MED26: variants seen among roughly 807,000 people sequenced by gnomAD.
MED26 encodes mediator of RNA polymerase II transcription subunit 26.
A neutral mutation model predicts 43.7 loss-of-function variants in MED26; 7 were observed. That is an observed-to-expected ratio of 0.16 (90% CI 0.09 to 0.30). The LOEUF is 0.30. Among genes scored for constraint, MED26 ranks in the 10% least tolerant of loss-of-function variants. The pLI is 1.00. For synonymous variants in MED26, 375 were observed against 371.1 expected, an observed-to-expected ratio of 1.01 and a Z score of -0.12; for missense variants, 784 against 840.6, an observed-to-expected ratio of 0.93 and a Z score of 0.83.
At chr19:16,578,490 G>C (rs990056183) in intron 1 of MED26, 81 bp from the exon 2 acceptor site, 1 of 1,328,706 alleles carries the variant, frequency 7.5e-7, no homozygotes, top group African/African-American at 1.5e-5. Flanking sequence ...GCCTGCTCCA[G>C]TCTCTCCCCA....
chr19:16,599,982 C>T (rs1487186492), intron 1 of MED26, among the ~76,000 whole-genome samples: 1 of 152,174 alleles, frequency 6.6e-6, no homozygotes, highest in African/African-American at 2.4e-5. Context: ...TAGATGGATG[C>T]AAATTCTACC....
intron 1 of MED26, among the ~76,000 whole-genome samples, chr19:16,584,495 C>T (rs992642322): frequency 6.6e-6 from 1 of 152,158 alleles, no homozygotes; most frequent in Non-Finnish European, 1.5e-5. Context: ...CAGAGACAGC[C>T]TGAGGGAGGG....
Position 16,614,085 on chromosome 19 carries a change from G to T in MED26, c.72+13787C>A, listed in dbSNP as rs1006440536. 2.6e-5 allele frequency among the ~76,000 whole-genome samples: 4 copies of T among 152,100 alleles called. No individual in the cohort carries two copies. The South Asian group carries it at 8.3e-4, about 31-fold the overall frequency. On this transcript the variant is annotated intron_variant, in intron 1 of 2. Coordinates refer to ENST00000263390, the MANE Select transcript of MED26 (RefSeq NM_004831.5). ...AACATACCTCAAGCCCCACAGGATG[G>T]TATCACCAGGTGATGGCAACACCAG...
chr19:16,575,863 G>C lies in MED26; in HGVS notation c.*164C>G. The stretch of plus-strand genomic sequence containing the variant: ...TTTCACAAAAAGAGTTTTGAGGGAA[G>C]AGCGCAGAGAGACCGCGTGACTCCC... On this transcript the variant is annotated 3_prime_UTR_variant, in exon 3 of 3. Transcript: ENST00000263390. 1 of 621,414 alleles carries C rather than the reference G, an allele frequency of 1.6e-6. No individual in the cohort carries two copies. Among genetic ancestry groups the C allele is most frequent in the Non-Finnish European group, 2.8e-6 (1 of 355,950 alleles). The allele number at this position is 621,414 out of a possible 1,614,324, so 38.5% of individuals were successfully genotyped here.
chr19:16,601,940 G>A (rs960537905), intron 1 of MED26, among the ~76,000 whole-genome samples: 7 of 152,240 alleles, frequency 4.6e-5, no homozygotes, highest in Non-Finnish European at 1.0e-4. Context: ...GACATGGTGA[G>A]GGGCAGGAAG....
chr19:16,593,675 G>A (rs1352441001), intron 1 of MED26, among the ~76,000 whole-genome samples: 3 of 152,028 alleles, frequency 2.0e-5, no homozygotes, highest in African/African-American at 4.8e-5. Context: ...GCTTTGTCCC[G>A]TTGTCAGCTG....
intron 1 of MED26, among the ~76,000 whole-genome samples, chr19:16,599,642 C>T (rs2086139174): frequency 6.6e-6 from 1 of 152,192 alleles, no homozygotes; most frequent in African/African-American, 2.4e-5. Flanking sequence ...TGATCACCCT[C>T]ACTGTTGCGC....
chr19:16,616,217 A>G (rs2086225634), intron 1 of MED26, among the ~76,000 whole-genome samples: 1 of 152,146 alleles, frequency 6.6e-6, no homozygotes, highest in South Asian at 2.1e-4. Context: ...GCCATGTTCC[A>G]TTCTTAAAAG....
chr19:16,626,363 T>C (rs910904470), intron 1 of MED26, among the ~76,000 whole-genome samples: 1 of 152,192 alleles, frequency 6.6e-6, no homozygotes, highest in African/African-American at 2.4e-5. Flanking sequence ...GTCTTAAAAT[T>C]GCAGTGACAC....
At chr19:16,594,690 C>T (rs1403637417) in intron 1 of MED26, among the ~76,000 whole-genome samples, 1 of 152,058 alleles carries the variant, frequency 6.6e-6, no homozygotes, top group Non-Finnish European at 1.5e-5. Context: ...GCTAACAGCA[C>T]CTCTTCAATA....
intron 1 of MED26, among the ~76,000 whole-genome samples, chr19:16,602,058 G>T (rs757464173): frequency 6.6e-6 from 1 of 152,182 alleles, no homozygotes; most frequent in African/African-American, 2.4e-5. Context: ...GATGGATGGC[G>T]GGATACCTGT....
chr19:16,618,260 G>A (rs1487880289), intron 1 of MED26, among the ~76,000 whole-genome samples: 1 of 152,144 alleles, frequency 6.6e-6, no homozygotes, highest in Non-Finnish European at 1.5e-5. Context: ...CAGGAGGCCT[G>A]GTGGGGTTCA....
At chr19:16,621,537 G>GCC (rs765208143) in intron 1 of MED26, among the ~76,000 whole-genome samples, 4 of 152,220 alleles carry the variant, frequency 2.6e-5, no homozygotes, top group Admixed American at 6.5e-5. Flanking sequence ...ACATCCAAAG[G>GCC]CCTTTAACCC....
chr19:16,606,486 T>A (rs1326096777), intron 1 of MED26, among the ~76,000 whole-genome samples: 1 of 151,996 alleles, frequency 6.6e-6, no homozygotes, highest in East Asian at 1.9e-4. Context: ...GAGGCAGAGG[T>A]TGCAGTGAGC....
rs757185342 is a variant in MED26, at chr19:16,576,777, C to T, written c.1053G>A (p.Leu351=). ...GCCCTGCCTTGCAGCCCGGCCCCGC[C>T]AGCCGCTGGTGGCTCTCAGGCTGCT... ...WLEQPESHQR[L]AGPGCKAGLS... Residue 351 remains leucine, a synonymous_variant, in exon 3 of 3, where the codon CTG becomes CTA. Transcript: ENST00000263390. The surrounding 1 kb of genome is among the most constrained non-coding windows in gnomAD (Gnocchi z 6.8). 4 of 1,607,574 alleles carry T rather than the reference C, an allele frequency of 2.5e-6. No homozygotes were observed. In the South Asian group the frequency reaches 3.3e-5, roughly 13 times the overall value.
At chr19:16,601,151 A>AACACTG (rs1360929219) in intron 1 of MED26, among the ~76,000 whole-genome samples, 1 of 147,588 alleles carries the variant, frequency 6.8e-6, no homozygotes, top group Non-Finnish European at 1.5e-5. Flanking sequence ...CCTGGTTACA[A>AACACTG]ACACTGACTT....
intron 1 of MED26, chr19:16,611,850 A>G (rs1427561483): frequency 6.6e-6 from 1 of 152,128 alleles, no homozygotes; most frequent in African/African-American, 2.4e-5. Flanking sequence ...AATGGAGACA[A>G]GGTCTTGTTA....
At chr19:16,620,515 G>C (rs2086246958) in intron 1 of MED26, among the ~76,000 whole-genome samples, 1 of 152,228 alleles carries the variant, frequency 6.6e-6, no homozygotes, top group African/African-American at 2.4e-5. Context: ...CAAGCATTTG[G>C]GCACCCACGT....
At chr19:16,588,532 C>G (rs573276190) in intron 1 of MED26, 1 of 152,438 alleles carries the variant, frequency 6.6e-6, no homozygotes, top group African/African-American at 2.4e-5. Flanking sequence ...GGGGACCGCA[C>G]CTGGCCTCCA....
Sources: gnomAD v4.1 joint callset for allele counts (sites outside exome capture counted in the v4.1 genomes callset) on GRCh38, gnomAD v4.1.1 for gene constraint, Gnocchi (gnomAD v3.1) non-coding constraint, MANE v1.5 for transcripts, NCBI Gene and HGNC (gene_info 2026-07-23, HGNC 2026-07-21) for gene names.